The following NAA20 variants were observed in gnomAD, a reference collection of about 807,000 sequenced individuals.
NAA20 encodes N-alpha-acetyltransferase 20, NatB catalytic subunit, also known as N-alpha-acetyltransferase 20.
Under a neutral mutation model 23.8 loss-of-function variants are expected in NAA20, and 24 were observed. The observed-to-expected ratio is 1.01, with a 90% CI of 0.73 to 1.42. The LOEUF (loss-of-function observed/expected upper bound fraction) is 1.42, where lower values mean the gene tolerates loss of function less well. Among genes scored for constraint, NAA20 ranks in the 40% most tolerant of loss-of-function variants. The pLI, the probability that NAA20 is intolerant of heterozygous loss-of-function variation, is 0.00. For synonymous variants in NAA20, 83 were observed against 77.7 expected (o/e 1.07, Z -0.36); for missense variants, 166 against 223.1 (o/e 0.74, Z 1.63).
chr20:20,019,336 G>A (rs1294371977), intron 1 of NAA20, among the ~76,000 whole-genome samples: 1 of 152,216 alleles, frequency 6.6e-6, no homozygotes, highest in Non-Finnish European at 1.5e-5. Flanking sequence ...GTGGCCCAGA[G>A]ACGATGACTT....
At chr20:20,017,868 A>C in intron 1 of NAA20, 4 of 1,573,540 alleles carry the variant, frequency 2.5e-6, no homozygotes, top group Non-Finnish European at 3.4e-6. Context: ...TCTTCTGGGC[A>C]GAGGGCACCG....
intron 1 of NAA20, chr20:20,017,686 T>C (rs2043240784): frequency 1.4e-6 from 2 of 1,417,686 alleles, no homozygotes; most frequent in African/African-American, 1.5e-5. Context: ...GCTCAAACTT[T>C]GTCTCTGGAC....
chr20:20,025,534 A>C, intron 2 of NAA20, 143 bp from the exon 3 acceptor site: 1 of 637,724 alleles, frequency 1.6e-6, no homozygotes, highest in Non-Finnish European at 2.8e-6. Context: ...TATTTCATGT[A>C]ATGGTATGTA....
chr20:20,032,426 A>G, intron 4 of NAA20, 82 bp from the exon 5 acceptor site: 2 of 1,416,088 alleles, frequency 1.4e-6, no homozygotes, highest in Admixed American at 4.1e-5. Context: ...AGGTAAAAAC[A>G]CGTTTTAAAA....
intron 1 of NAA20, among the ~76,000 whole-genome samples, chr20:20,019,123 C>T (rs1381753357): frequency 2.0e-5 from 3 of 152,160 alleles, no homozygotes; most frequent in African/African-American, 7.2e-5. Flanking sequence ...CTTGGTTTTT[C>T]GTTTTCACTT....
At chr20:20,032,385 AT>A in intron 4 of NAA20, 122 bp from the exon 5 acceptor site, 2 of 853,208 alleles carry the variant, frequency 2.3e-6, no homozygotes, top group Non-Finnish European at 3.5e-6. Flanking sequence ...ACAAGGTCCT[AT>A]TACTACCATT....
chr20:20,017,306 G>T (rs1263092184), upstream of NAA20: 8 of 1,551,876 alleles, frequency 5.2e-6, no homozygotes, highest in Non-Finnish European at 6.1e-6. Context: ...ACCCCGTCTC[G>T]CTCGGTTCCG....
At chr20:20,027,366 G>GA (rs1305907142) in intron 4 of NAA20, among the ~76,000 whole-genome samples, 1 of 151,890 alleles carries the variant, frequency 6.6e-6, no homozygotes, top group Non-Finnish European at 1.5e-5. Flanking sequence ...TAGCCATTTA[G>GA]AAAAAAAATA....
chr20:20,032,777 A>G, intron 5 of NAA20, 124 bp downstream of exon 5: 1 of 1,264,158 alleles, frequency 7.9e-7, no homozygotes, highest in Non-Finnish European at 1.0e-6. Context: ...AATTTCCCTC[A>G]ACCTACCTTT....
At chr20:20,023,164 G>A (rs1204767967) in intron 2 of NAA20, among the ~76,000 whole-genome samples, 1 of 152,104 alleles carries the variant, frequency 6.6e-6, no homozygotes, top group Admixed American at 6.5e-5. Flanking sequence ...GGCTCACTCC[G>A]TAATCCCAGC....
At chr20:20,033,047 A>T in intron 5 of NAA20, 55 bp from the exon 6 acceptor site, 1 of 1,363,838 alleles carries the variant, frequency 7.3e-7, no homozygotes, top group Non-Finnish European at 1.0e-6. Flanking sequence ...TATACACTTT[A>T]CATTTGATAT....
At chr20:20,029,519 A>C in intron 4 of NAA20, among the ~76,000 whole-genome samples, 1 of 151,758 alleles carries the variant, frequency 6.6e-6, no homozygotes, top group Non-Finnish European at 1.5e-5. Context: ...CGGGAGGCTG[A>C]GGCAGGAGAA....
chr20:20,022,936 C>T (rs1487442631), intron 2 of NAA20, among the ~76,000 whole-genome samples: 2 of 152,192 alleles, frequency 1.3e-5, no homozygotes, highest in African/African-American at 4.8e-5. Flanking sequence ...GATGTTGCCA[C>T]AGCAAACAGC....
At chr20:20,026,042 C>T (rs181590128) in intron 3 of NAA20, among the ~76,000 whole-genome samples, 3 of 152,040 alleles carry the variant, frequency 2.0e-5, no homozygotes, top group African/African-American at 7.2e-5. Flanking sequence ...CAGTGGCTCA[C>T]GCCTGTAATC....
intron 3 of NAA20, 150 bp downstream of exon 3, chr20:20,025,917 T>C (rs975133005): frequency 6.0e-6 from 4 of 665,666 alleles, no homozygotes; most frequent in Middle Eastern, 4.0e-4. Flanking sequence ...ATCTCTGTTT[T>C]GGGCACTGTG....
intron 2 of NAA20, among the ~76,000 whole-genome samples, chr20:20,024,268 G>A (rs1361343917): frequency 6.6e-6 from 1 of 152,196 alleles, no homozygotes; most frequent in Non-Finnish European, 1.5e-5. Context: ...CTGTACTGAA[G>A]AAGGATTTCA....
chr20:20,019,644 G>C (rs1016739802), intron 1 of NAA20, among the ~76,000 whole-genome samples: 2 of 152,138 alleles, frequency 1.3e-5, no homozygotes, highest in African/African-American at 4.8e-5. Flanking sequence ...GAGTGCAGTG[G>C]CACAATCCTA....
intron 4 of NAA20, among the ~76,000 whole-genome samples, chr20:20,031,235 G>T (rs987398369): frequency 2.0e-5 from 3 of 152,174 alleles, no homozygotes; most frequent in African/African-American, 7.2e-5. Flanking sequence ...ATATCTTAGT[G>T]CTGTAGTTAT....
Position 20,025,702 on chromosome 20 carries a change from A to G in NAA20, c.104A>G (p.Tyr35Cys). ...ETYGIPFYLQ[Y>C]LAHWPEYFIV... is the part of the protein sequence containing the mutation. ...TATGGGATTCCTTTCTACCTACAATACCTCGCCCACTGGCCAGAGTATTTC... is the reference window on the plus strand; with the variant it reads ...TATGGGATTCCTTTCTACCTACAATGCCTCGCCCACTGGCCAGAGTATTTC... Residue 35 changes from tyrosine to cysteine, a missense_variant, in exon 3 of 6, where the codon TAC (tyrosine) becomes TGC (cysteine). Coordinates refer to ENST00000334982, the MANE Select transcript of NAA20 (RefSeq NM_016100.5). The G allele has an allele frequency of 1.2e-6, 2 of 1,611,954 alleles. No homozygotes were observed. Among genetic ancestry groups the G allele is most frequent in the Non-Finnish European group, 1.7e-6 (2 of 1,178,082 alleles).
Sources: allele counts gnomAD v4.1 joint callset (sites outside exome capture counted in the v4.1 genomes callset), GRCh38; gene constraint gnomAD v4.1.1; transcripts MANE v1.5; gene names NCBI Gene and HGNC (gene_info 2026-07-23, HGNC 2026-07-21).